SPPL2A: variants seen among roughly 807,000 people sequenced by gnomAD.
SPPL2A encodes signal peptide peptidase-like 2A.
SPPL2A carries 51 observed loss-of-function variants against 63.8 expected under a neutral mutation model. The ratio of observed to expected loss-of-function variants is 0.80; its 90% CI spans 0.64 to 1.01. SPPL2A has a LOEUF of 1.01. Ranked by LOEUF, SPPL2A falls within the 50% of genes least tolerant of loss-of-function variation. The probability of loss-of-function intolerance (pLI) is 0.00; values close to 1 mark genes in which losing one functional copy is unlikely to be tolerated. For missense variants in SPPL2A, 553 were observed against 622.7 expected, an observed-to-expected ratio of 0.89 and a Z score of 1.19; for synonymous variants, 188 against 205.8, an observed-to-expected ratio of 0.91 and a Z score of 0.74.
At chr15:50,746,057 AT>A (rs751765205) in intron 5 of SPPL2A, among the ~76,000 whole-genome samples, 2 of 152,014 alleles carry the variant, frequency 1.3e-5, no homozygotes, top group South Asian at 2.1e-4. Context: ...TCTCAAAAAA[AT>A]ATATATAAAT....
intron 5 of SPPL2A, among the ~76,000 whole-genome samples, chr15:50,740,809 C>T (rs1008387573): frequency 1.3e-5 from 2 of 152,100 alleles, no homozygotes; most frequent in Admixed American, 1.3e-4. Context: ...CGGGGTTTCA[C>T]CATGTTGCCC....
In SPPL2A at chr15:50,702,377, CA is replaced by C. The variant is rs2062483133; in HGVS notation, c.*5422del. On this transcript the variant is annotated 3_prime_UTR_variant, in exon 15 of 15. Coordinates refer to ENST00000261854, the MANE Select transcript of SPPL2A (RefSeq NM_032802.4). ...ATAAAGTACTGCTAAATTAACACTT[CA>C]AAAATTTCAAATTTTAAAACATTCC... 6.6e-6 allele frequency: 1 copy of C among 151,982 alleles called. No homozygotes were observed. 9.4% of individuals were successfully genotyped at this position (151,982 alleles called of 1,614,324 possible).
In SPPL2A at chr15:50,707,359, C is replaced by T. The variant is rs925186242; in HGVS notation, c.*441G>A. ...GTCTCGATCTCCTGACCTCGTGATC[C>T]GCCCGCCTTGGCCTCCCAAAGTGTT... On this transcript the variant is annotated 3_prime_UTR_variant, in exon 15 of 15. Coordinates refer to ENST00000261854, the MANE Select transcript of SPPL2A (RefSeq NM_032802.4). The T allele has an allele frequency of 4.0e-4, 61 of 153,136 alleles. No homozygotes were observed. Among genetic ancestry groups the T allele is most frequent in the Non-Finnish European group, 5.7e-4 (39 of 68,670 alleles). The allele number at this position is 153,136 out of a possible 1,614,324, so 9.5% of individuals were successfully genotyped here. A position where few individuals can be genotyped will look rare whatever the true frequency, so the allele number is the denominator to read the frequency against.
intron 14 of SPPL2A, among the ~76,000 whole-genome samples, chr15:50,714,846 G>C (rs1041897982): frequency 3.2e-4 from 49 of 151,906 alleles, no homozygotes; most frequent in African/African-American, 1.1e-3. Context: ...GAGAGGCTGA[G>C]GCAGGAGAAT....
At chr15:50,744,492 TG>T (rs2062843605) in intron 5 of SPPL2A, among the ~76,000 whole-genome samples, 1 of 152,180 alleles carries the variant, frequency 6.6e-6, no homozygotes, top group South Asian at 2.1e-4. Context: ...TAATATGCTC[TG>T]GGCACATTTT....
At chr15:50,754,178 T>C (rs1596397767) in intron 1 of SPPL2A, among the ~76,000 whole-genome samples, 1 of 152,220 alleles carries the variant, frequency 6.6e-6, no homozygotes, top group East Asian at 1.9e-4. Flanking sequence ...AGTTTTGACA[T>C]AGCCTCTTAT....
chr15:50,718,878 G>A (rs941936347), intron 14 of SPPL2A, among the ~76,000 whole-genome samples: 3 of 152,030 alleles, frequency 2.0e-5, no homozygotes, highest in Non-Finnish European at 4.4e-5. Context: ...TTTTGTTCAC[G>A]TGTCAACTGA....
intron 1 of SPPL2A, among the ~76,000 whole-genome samples, chr15:50,759,659 C>T (rs1331898270): frequency 1.3e-5 from 2 of 151,550 alleles, no homozygotes; most frequent in African/African-American, 4.9e-5. Flanking sequence ...AGGAGAATGG[C>T]GTGAAGCCAG....
In SPPL2A at chr15:50,705,554, C is replaced by CA. The variant is rs1491503275; in HGVS notation, c.*2245dup. The CA allele has an allele frequency of 2.6e-5, 4 of 152,054 alleles. No homozygotes were observed. The highest frequency in any genetic ancestry group is 9.7e-5 in the African/African-American group (4 of 41,418). The allele number at this position is 152,054 out of a possible 1,614,324, so 9.4% of individuals were successfully genotyped here. On this transcript the variant is annotated 3_prime_UTR_variant, in exon 15 of 15. Coordinates refer to ENST00000261854, the MANE Select transcript of SPPL2A (RefSeq NM_032802.4). ...ACGGCACTTAATCTGTTCTCTCTCT[C>CA]AGAGTCTGCCAAATAAATCAGATTT...
intron 10 of SPPL2A, among the ~76,000 whole-genome samples, chr15:50,726,943 C>G (rs1213737709): frequency 6.6e-6 from 1 of 152,212 alleles, no homozygotes; most frequent in Non-Finnish European, 1.5e-5. Context: ...TCTAGCCTAA[C>G]TCTCATCCAA....
At chr15:50,748,573 G>T in intron 3 of SPPL2A, 115 bp downstream of exon 3, 1 of 670,560 alleles carries the variant, frequency 1.5e-6, no homozygotes, top group Non-Finnish European at 2.5e-6. Flanking sequence ...AAAGAATCTT[G>T]CCATCAGATC....
At chr15:50,734,317 A>C (rs1255044984) in intron 8 of SPPL2A, among the ~76,000 whole-genome samples, 8 of 152,170 alleles carry the variant, frequency 5.3e-5, no homozygotes, top group Admixed American at 5.2e-4. Flanking sequence ...CACACAATGG[A>C]ATATTATTCA....
rs567372199 is a variant in SPPL2A at position 50,720,445 on chromosome 15, T to TA, written c.1328-346dup. ...GTACCAATAGGTAATATAAGTTGTTTAAAAAAAATCTTCCTAACACTGATT... is the reference window on the plus strand; with the variant it reads ...GTACCAATAGGTAATATAAGTTGTTTAAAAAAAAATCTTCCTAACACTGATT... On this transcript the variant is annotated intron_variant, in intron 13 of 14. Transcript: ENST00000261854. Among the ~76,000 whole-genome samples, 160 of 151,190 alleles carry TA rather than the reference T, an allele frequency of 1.1e-3. 1 individual carries two copies. The highest frequency in any genetic ancestry group is 1.9e-4 in the Non-Finnish European group (13 of 67,828).
At chr15:50,718,537 A>G (rs2062618418) in intron 14 of SPPL2A, among the ~76,000 whole-genome samples, 1 of 152,204 alleles carries the variant, frequency 6.6e-6, no homozygotes, top group Admixed American at 6.5e-5. Flanking sequence ...CTTCAATAGA[A>G]AAGTTAAAAG....
chr15:50,760,605 T>C (rs2063001727), intron 1 of SPPL2A, among the ~76,000 whole-genome samples: 1 of 152,088 alleles, frequency 6.6e-6, no homozygotes, highest in African/African-American at 2.4e-5. Flanking sequence ...GAGGGTCCCG[T>C]CTTCATGAGC....
At chr15:50,716,910 T>C (rs117502939) in intron 14 of SPPL2A, among the ~76,000 whole-genome samples, 1,763 of 152,268 alleles carry the variant, frequency 0.012, 17 homozygotes, top group Admixed American at 0.017. Flanking sequence ...TGCCTATTAT[T>C]TCTCTCTTTG....
intron 14 of SPPL2A, among the ~76,000 whole-genome samples, chr15:50,710,389 C>A (rs778403836): frequency 3.3e-5 from 5 of 152,112 alleles, no homozygotes; most frequent in Non-Finnish European, 2.9e-5. Flanking sequence ...ATTAAAAAAA[C>A]CACTTTCAAA....
chr15:50,715,821 G>C (rs1313114787), intron 14 of SPPL2A, among the ~76,000 whole-genome samples: 1 of 151,954 alleles, frequency 6.6e-6, no homozygotes, highest in Non-Finnish European at 1.5e-5. Context: ...GAACAAAGAA[G>C]ACTAGAATTA....
rs533088512 is a variant in SPPL2A, at chr15:50,722,525, C to T, written c.1250-324G>A. Among the ~76,000 whole-genome samples the T allele has an allele frequency of 5.3e-5, 8 of 152,116 alleles. No homozygotes were observed. In the South Asian group the frequency reaches 8.3e-4, roughly 16 times the overall value. Reference sequence around the variant, plus strand: ...AGGATGGAGTGCAGTGGCGCGATCTCGGTTCACTGCAACCTCTGCCTCCCG... The same window carrying T: ...AGGATGGAGTGCAGTGGCGCGATCTTGGTTCACTGCAACCTCTGCCTCCCG... On this transcript the variant is annotated intron_variant, in intron 12 of 14. Coordinates refer to ENST00000261854, the MANE Select transcript of SPPL2A (RefSeq NM_032802.4).
Sources: allele counts gnomAD v4.1 joint callset (sites outside exome capture counted in the v4.1 genomes callset), GRCh38; gene constraint gnomAD v4.1.1; transcripts MANE v1.5; gene names NCBI Gene and HGNC (gene_info 2026-07-23, HGNC 2026-07-21).